Variants in RORA observed in about 807,000 individuals in gnomAD.
RORA encodes RAR related orphan receptor A.
A neutral mutation model predicts 69.5 loss-of-function variants in RORA; 7 were observed. The ratio of observed to expected loss-of-function variants is 0.10; its 90% CI spans 0.06 to 0.19. The LOEUF (loss-of-function observed/expected upper bound fraction) is 0.19, where lower values mean the gene tolerates loss of function less well. Among genes scored for constraint, RORA ranks in the 10% least tolerant of loss-of-function variants. The pLI, the probability that RORA is intolerant of heterozygous loss-of-function variation, is 1.00. For synonymous variants in RORA, 261 were observed against 240.8 expected (o/e 1.08, Z -0.78); for missense variants, 457 against 663.0 (o/e 0.69, Z 3.41).
At chr15:60,975,289 A>C (rs1893844697) in intron 1 of RORA, among the ~76,000 whole-genome samples, 2 of 152,132 alleles carry the variant, frequency 1.3e-5, no homozygotes, top group South Asian at 4.1e-4. Context: ...AAGATATGCA[A>C]AGCTTTAGAA....
At chr15:61,141,335 A>T (rs148521340) in intron 1 of RORA, among the ~76,000 whole-genome samples, 172 of 152,318 alleles carry the variant, frequency 1.1e-3, no homozygotes, top group Non-Finnish European at 1.6e-3. Context: ...ATTTATCAGA[A>T]CAATTTGTGA....
chr15:60,838,006 C>T (rs939140910), intron 1 of RORA, among the ~76,000 whole-genome samples: 21 of 152,100 alleles, frequency 1.4e-4, no homozygotes, highest in African/African-American at 3.1e-4. Flanking sequence ...ATGAACAACC[C>T]GGCTCTATCC....
At chr15:61,163,649 T>G (rs966647682) in intron 1 of RORA, among the ~76,000 whole-genome samples, 1 of 152,172 alleles carries the variant, frequency 6.6e-6, no homozygotes, top group South Asian at 2.1e-4. Context: ...ATCGAAGCAG[T>G]GGTAGCTGGT....
intron 5 of RORA, among the ~76,000 whole-genome samples, chr15:60,506,249 TG>T (rs142462344): frequency 6.6e-6 from 1 of 152,218 alleles, no homozygotes; most frequent in African/African-American, 2.4e-5. Flanking sequence ...TCTTTGTGCT[TG>T]GTTTCCTCAT....
chr15:60,812,521 A>C (rs1288164965), intron 1 of RORA, among the ~76,000 whole-genome samples: 1 of 152,230 alleles, frequency 6.6e-6, no homozygotes, highest in Non-Finnish European at 1.5e-5. Context: ...AAAAATAAAT[A>C]AATCAATAAA....
At chr15:60,530,671 T>C (rs981310503) in intron 3 of RORA, 2 of 152,254 alleles carry the variant, frequency 1.3e-5, no homozygotes, top group African/African-American at 2.4e-5. Flanking sequence ...GTTAATTTCC[T>C]TGAAGTCTCT....
chr15:61,184,028 A>G (rs1373938649), intron 1 of RORA, among the ~76,000 whole-genome samples: 1 of 152,186 alleles, frequency 6.6e-6, no homozygotes, highest in African/African-American at 2.4e-5. Flanking sequence ...ACTGACACAG[A>G]GCCATCTCCT....
At chr15:61,195,364 G>A (rs1470763833) in intron 1 of RORA, among the ~76,000 whole-genome samples, 2 of 151,814 alleles carry the variant, frequency 1.3e-5, no homozygotes, top group Admixed American at 1.3e-4. Flanking sequence ...CCAGAGGTCT[G>A]CAGGTCTAGC....
chr15:61,170,828 G>A (rs549530313), intron 1 of RORA, among the ~76,000 whole-genome samples: 118 of 152,300 alleles, frequency 7.7e-4, no homozygotes, highest in African/African-American at 2.7e-3. Context: ...AAATGGAAGC[G>A]TAATTGGGGC....
At chr15:61,100,061 A>G (rs1000197157) in intron 1 of RORA, among the ~76,000 whole-genome samples, 7 of 151,482 alleles carry the variant, frequency 4.6e-5, no homozygotes, top group Non-Finnish European at 8.8e-5. Flanking sequence ...AGAGCCAGAA[A>G]TTGTCTCCTT....
chr15:60,769,686 T>C (rs2072044881), intron 1 of RORA, among the ~76,000 whole-genome samples: 1 of 152,152 alleles, frequency 6.6e-6, no homozygotes, highest in African/African-American at 2.4e-5. Context: ...GATATCCATT[T>C]GGAATCACCT....
At chr15:60,573,072 C>G (rs894484480) in intron 2 of RORA, among the ~76,000 whole-genome samples, 2 of 152,166 alleles carry the variant, frequency 1.3e-5, no homozygotes, top group Non-Finnish European at 1.5e-5. Context: ...CTGGCTCCAA[C>G]CTTTAATTTA....
At chr15:60,678,564 C>T in intron 2 of RORA, 93 bp downstream of exon 2, 9 of 961,568 alleles carry the variant, frequency 9.4e-6, no homozygotes, top group Non-Finnish European at 1.5e-5. Flanking sequence ...ACAGCTGAAA[C>T]ATTAGTATAT....
intron 1 of RORA, among the ~76,000 whole-genome samples, chr15:60,959,144 T>G (rs1408478064): frequency 6.6e-6 from 1 of 152,230 alleles, no homozygotes; most frequent in East Asian, 1.9e-4. Flanking sequence ...GCCATTGCCA[T>G]TAGGTACTTT....
At chr15:60,943,096 T>C (rs1197764542) in intron 1 of RORA, among the ~76,000 whole-genome samples, 1 of 152,246 alleles carries the variant, frequency 6.6e-6, no homozygotes, top group Admixed American at 6.5e-5. Flanking sequence ...TTTGCTGGCA[T>C]CATGTTCTAA....
At chr15:61,126,350 C>T (rs1458091723) in intron 1 of RORA, among the ~76,000 whole-genome samples, 1 of 152,194 alleles carries the variant, frequency 6.6e-6, no homozygotes, top group Non-Finnish European at 1.5e-5. Context: ...CATCAACTTA[C>T]ACACCTTTTT....
intron 1 of RORA, among the ~76,000 whole-genome samples, chr15:60,780,566 C>T (rs2072238701): frequency 6.6e-6 from 1 of 152,168 alleles, no homozygotes; most frequent in Non-Finnish European, 1.5e-5. Context: ...AAAACAAGAA[C>T]TCTTTCATTC....
chr15:60,709,841 C>T (rs778858233), intron 1 of RORA, among the ~76,000 whole-genome samples: 1 of 151,938 alleles, frequency 6.6e-6, no homozygotes, highest in Non-Finnish European at 1.5e-5. Flanking sequence ...GAAACCATCC[C>T]CCAACACTCC....
intron 1 of RORA, among the ~76,000 whole-genome samples, chr15:61,048,486 T>C (rs975844576): frequency 3.3e-5 from 5 of 152,194 alleles, no homozygotes; most frequent in African/African-American, 1.2e-4. Flanking sequence ...AGGACAAGAC[T>C]CCTGTCCCGG....
Sources: gnomAD v4.1 joint callset for allele counts (sites outside exome capture counted in the v4.1 genomes callset) on GRCh38, gnomAD v4.1.1 for gene constraint, MANE v1.5 for transcripts, NCBI Gene and HGNC (gene_info 2026-07-23, HGNC 2026-07-21) for gene names.